The following CACNA1D variants were observed in gnomAD, a reference collection of about 807,000 sequenced individuals.
The protein encoded by CACNA1D is calcium voltage-gated channel subunit alpha1 D, also known as voltage-dependent L-type calcium channel subunit alpha-1D.
In CACNA1D, 55 loss-of-function variants were observed where a neutral mutation model predicts 257.1. The ratio of observed to expected loss-of-function variants is 0.21; its 90% CI spans 0.17 to 0.27. The LOEUF (loss-of-function observed/expected upper bound fraction) is 0.27, where lower values mean the gene tolerates loss of function less well. Among genes scored for constraint, CACNA1D ranks in the 10% least tolerant of loss-of-function variants. The probability of loss-of-function intolerance (pLI) is 1.00; values close to 1 mark genes in which losing one functional copy is unlikely to be tolerated. For missense variants in CACNA1D, 1,876 were observed against 2,784.0 expected, an observed-to-expected ratio of 0.67 and a Z score of 7.34; for synonymous variants, 980 against 1,014.9, an observed-to-expected ratio of 0.97 and a Z score of 0.65.
intron 46 of CACNA1D, chr3:53,809,077 G>A: frequency 2.5e-6 from 1 of 402,364 alleles, no homozygotes; most frequent in South Asian, 2.7e-5. Context: ...AGAGCCTGAT[G>A]TGATCTGAGC....
At position 53,811,284 on chromosome 3, in the gene CACNA1D, C is replaced by G; in HGVS notation, c.6364C>G (p.Leu2122Val). 6.2e-7 allele frequency: 1 copy of G among 1,613,920 alleles called. No individual in the cohort carries two copies. The highest frequency in any genetic ancestry group is 8.5e-7 in the Non-Finnish European group (1 of 1,180,022). ...RPRANGDVGPLSHRQDYELQD... is the reference protein window; with the variant it reads ...RPRANGDVGPVSHRQDYELQD... ...CCGAGCCAACGGGGATGTGGGCCCC[C>G]TCTCACACCGGCAGGACTATGAGCT... is the stretch of plus-strand genomic sequence containing the variant. The change falls in exon 48 of 48, where the codon CTC becomes GTC. Residue 2122 changes from leucine (L) to valine (V), a missense_variant. By Grantham distance (32) the Leu-to-Val change is conservative. This residue lies in a region of CACNA1D where 491 missense variants were observed against 554.3 expected (regional missense o/e 0.89). Coordinates refer to ENST00000350061, the MANE Select transcript of CACNA1D (RefSeq NM_001128840.3). The surrounding 1 kb of genome is among the most constrained non-coding windows in gnomAD (Gnocchi z 4.2).
intron 3 of CACNA1D, among the ~76,000 whole-genome samples, chr3:53,571,371 C>T (rs1371290460): frequency 1.3e-5 from 2 of 152,224 alleles, no homozygotes; most frequent in Non-Finnish European, 2.9e-5. Context: ...TCTCCACCCA[C>T]AGAAACCCAA....
intron 3 of CACNA1D, among the ~76,000 whole-genome samples, chr3:53,642,992 C>G (rs1471260515): frequency 6.6e-6 from 1 of 152,204 alleles, no homozygotes; most frequent in Middle Eastern, 3.2e-3. Context: ...TACCATAACA[C>G]TGGTGGGCAA....
At chr3:53,614,789 A>G (rs533651575) in intron 3 of CACNA1D, among the ~76,000 whole-genome samples, 51 of 152,346 alleles carry the variant, frequency 3.3e-4, no homozygotes, top group African/African-American at 1.1e-3. Flanking sequence ...GATGCAGCTA[A>G]CTTGGTTACA....
chr3:53,776,557 A>G (rs2095398573), intron 35 of CACNA1D, 46 bp from the exon 36 acceptor site: 1 of 1,613,204 alleles, frequency 6.2e-7, no homozygotes, highest in South Asian at 1.1e-5. Flanking sequence ...GTTCTAACGC[A>G]ATCCAGCTGC....
At chr3:53,569,605 C>T (rs1299042503) in intron 3 of CACNA1D, among the ~76,000 whole-genome samples, 1 of 152,162 alleles carries the variant, frequency 6.6e-6, no homozygotes, top group Non-Finnish European at 1.5e-5. Flanking sequence ...GGTGCCCTAG[C>T]CTTTCAGAGA....
At chr3:53,708,926 A>C (rs2094720637) in intron 9 of CACNA1D, among the ~76,000 whole-genome samples, 1 of 152,196 alleles carries the variant, frequency 6.6e-6, no homozygotes, top group Admixed American at 6.5e-5. Flanking sequence ...CATGTACCAC[A>C]GATATTTCCC....
chr3:53,741,753 G>C (rs1282574869), intron 21 of CACNA1D, among the ~76,000 whole-genome samples: 1 of 152,084 alleles, frequency 6.6e-6, no homozygotes, highest in Non-Finnish European at 1.5e-5. Flanking sequence ...TCAGCTTCTT[G>C]GTTTTAGAAT....
chr3:53,670,301 G>A (rs939982019), intron 7 of CACNA1D, among the ~76,000 whole-genome samples: 1 of 152,160 alleles, frequency 6.6e-6, no homozygotes, highest in Non-Finnish European at 1.5e-5. Context: ...CCTTGCATTG[G>A]TCTATAACTT....
At chr3:53,753,029 C>T (rs1469133065) in intron 28 of CACNA1D, among the ~76,000 whole-genome samples, 4 of 152,304 alleles carry the variant, frequency 2.6e-5, no homozygotes, top group East Asian at 3.9e-4. Context: ...AGAACTCCAG[C>T]ACATCAAACC....
At chr3:53,762,663 A>T (rs750430938) in intron 30 of CACNA1D, 3 of 456,458 alleles carry the variant, frequency 6.6e-6, no homozygotes, top group East Asian at 6.9e-5. Context: ...GTCCTATATC[A>T]TGGTTGTTTT....
intron 8 of CACNA1D, among the ~76,000 whole-genome samples, chr3:53,682,903 A>T (rs894187448): frequency 6.6e-6 from 1 of 152,218 alleles, no homozygotes; most frequent in Non-Finnish European, 1.5e-5. Flanking sequence ...TGGAAATAGG[A>T]TATACAGGAT....
intron 3 of CACNA1D, among the ~76,000 whole-genome samples, chr3:53,584,710 G>A (rs189377898): frequency 8.5e-4 from 129 of 152,330 alleles, no homozygotes; most frequent in African/African-American, 3.0e-3. Context: ...CTTCTTCAGT[G>A]TTCTTGGAAG....
chr3:53,645,977 C>T (rs1286144873), intron 3 of CACNA1D, among the ~76,000 whole-genome samples: 4 of 152,220 alleles, frequency 2.6e-5, no homozygotes, highest in African/African-American at 7.2e-5. Flanking sequence ...GCCCTGTGTT[C>T]CTTGCATTCA....
At chr3:53,796,205 C>T in intron 40 of CACNA1D, 2 of 386,316 alleles carry the variant, frequency 5.2e-6, no homozygotes, top group South Asian at 3.7e-5. Context: ...AAGGGTTAAC[C>T]AGAACTTGTC....
chr3:53,654,295 A>G (rs2094127689), intron 4 of CACNA1D, among the ~76,000 whole-genome samples: 1 of 152,230 alleles, frequency 6.6e-6, no homozygotes. Flanking sequence ...ACATATACAG[A>G]TATTTCTCCC....
intron 3 of CACNA1D, among the ~76,000 whole-genome samples, chr3:53,643,744 C>T (rs1015154273): frequency 1.3e-5 from 2 of 152,246 alleles, no homozygotes; most frequent in Non-Finnish European, 2.9e-5. Context: ...TGTGTCTGCC[C>T]TCCACTGTGT....
intron 30 of CACNA1D, 134 bp downstream of exon 30, chr3:53,762,215 C>G: frequency 1.4e-6 from 1 of 723,902 alleles, no homozygotes. Context: ...CTAGGATTTC[C>G]TAATGAGAGC....
intron 3 of CACNA1D, among the ~76,000 whole-genome samples, chr3:53,529,780 T>C (rs1294177626): frequency 6.6e-6 from 1 of 152,240 alleles, no homozygotes; most frequent in African/African-American, 2.4e-5. Context: ...ATTGTACTTA[T>C]ATTTTATTAG....
Sources: allele counts gnomAD v4.1 joint callset (sites outside exome capture counted in the v4.1 genomes callset), GRCh38; gene constraint gnomAD v4.1.1; regional missense constraint gnomAD v4.1.1; non-coding constraint Gnocchi (gnomAD v3.1); transcripts MANE v1.5; gene names NCBI Gene and HGNC (gene_info 2026-07-23, HGNC 2026-07-21).